Variants in GRM5 observed in about 807,000 individuals in gnomAD.
The protein encoded by GRM5 is metabotropic glutamate receptor 5.
In GRM5, 19 loss-of-function variants were observed where a neutral mutation model predicts 83.1. The observed-to-expected ratio is 0.23, with a 90% CI of 0.16 to 0.34. The LOEUF is 0.34. GRM5 is among the 10% of genes least tolerant of loss of function. GRM5 has a pLI of 1.00. For synonymous variants in GRM5, 675 were observed against 633.6 expected, an observed-to-expected ratio of 1.07 and a Z score of -0.98; for missense variants, 1,160 against 1,588.3, an observed-to-expected ratio of 0.73 and a Z score of 4.58.
At chr11:88,685,635 C>T (rs1219555201) in intron 3 of GRM5, among the ~76,000 whole-genome samples, 1 of 152,116 alleles carries the variant, frequency 6.6e-6, no homozygotes, top group Non-Finnish European at 1.5e-5. Context: ...TTTCCTGGGC[C>T]TGGCCCAGGG....
intron 1 of GRM5, among the ~76,000 whole-genome samples, chr11:89,063,870 G>A (rs1942049072): frequency 1.3e-5 from 2 of 152,174 alleles, no homozygotes; most frequent in South Asian, 4.1e-4. Context: ...TGCTCACATG[G>A]CAAGGGAGCT....
intron 3 of GRM5, among the ~76,000 whole-genome samples, chr11:88,762,912 AC>A (rs1474412026): frequency 6.6e-6 from 1 of 151,984 alleles, no homozygotes; most frequent in Non-Finnish European, 1.5e-5. Flanking sequence ...TAGCCAACTA[AC>A]ACAGGAACAG....
At chr11:88,569,327 T>C (rs1278205035) in intron 7 of GRM5, among the ~76,000 whole-genome samples, 3 of 152,206 alleles carry the variant, frequency 2.0e-5, no homozygotes, top group African/African-American at 7.2e-5. Context: ...AGGAGGCAAG[T>C]AATCTGGAGC....
chr11:88,677,225 T>C (rs1485637152), intron 3 of GRM5, among the ~76,000 whole-genome samples: 1 of 152,120 alleles, frequency 6.6e-6, no homozygotes, highest in African/African-American at 2.4e-5. Flanking sequence ...CTAGAAGCCC[T>C]GACTTTTAAT....
Position 88,509,079 on chromosome 11 carries a change from C to G in GRM5, c.3152G>C (p.Ser1051Thr), listed in dbSNP as rs1941273991. 3 of 1,551,206 alleles carry G rather than the reference C, an allele frequency of 1.9e-6. No individual in the cohort carries two copies. The highest frequency in any genetic ancestry group is 1.4e-5 in the African/African-American group (1 of 73,010). The change falls in exon 10 of 10, where the codon AGC becomes ACC. Residue 1051 changes from serine to threonine, a missense_variant. By Grantham distance (58) the Ser-to-Thr change is moderately conservative. This residue lies in a region of GRM5 where 562 missense variants were observed against 532.4 expected (regional missense o/e 1.06). Coordinates refer to ENST00000305447, the MANE Select transcript of GRM5 (RefSeq NM_001143831.3). ...SLHSEPVARS[S>T]SSQGSLMEQI... Reference sequence around the variant, plus strand: ...CTCCATGAGGGAGCCCTGCGAGGAGCTGCTGCGCGCCACAGGCTCCGAGTG... The same window carrying G: ...CTCCATGAGGGAGCCCTGCGAGGAGGTGCTGCGCGCCACAGGCTCCGAGTG...
rs145114069 is a variant in GRM5 at position 88,776,680 on chromosome 11, T to C, written c.911+73226A>G. On this transcript the variant is annotated intron_variant, in intron 3 of 9. Transcript: ENST00000305447. ...ATTTGCTTCTCTGTAGAGGATTTTA[T>C]TTCTCCTTCACTTATGAAGCTTAGT... 5.1e-3 allele frequency among the ~76,000 whole-genome samples: 781 copies of C among 152,248 alleles called. 17 individuals are homozygous for C. The East Asian group carries it at 0.071, about 14-fold the overall frequency.
chr11:88,968,182 C>G (rs1474697617), intron 2 of GRM5, among the ~76,000 whole-genome samples: 1 of 152,128 alleles, frequency 6.6e-6, no homozygotes, highest in Non-Finnish European at 1.5e-5. Flanking sequence ...AGTAGTCAAT[C>G]TGTATCTTAA....
At chr11:88,624,673 C>T (rs192048605) in intron 4 of GRM5, among the ~76,000 whole-genome samples, 113 of 152,252 alleles carry the variant, frequency 7.4e-4, no homozygotes, top group African/African-American at 2.5e-3. Flanking sequence ...CAGAGCAAGA[C>T]CCTGTCTGTA....
chr11:88,629,980 C>G lies in GRM5; in HGVS notation c.1147+23188G>C, dbSNP rs548741750. ...GTTTCCCCAACTTACTTTGCTCCAG[C>G]CACTTTGGTCTCCCATCTGTTTCCT... On this transcript the variant is annotated intron_variant, in intron 4 of 9. Transcript: ENST00000305447. Among the ~76,000 whole-genome samples the G allele has an allele frequency of 3.9e-5, 6 of 152,274 alleles. No individual in the cohort carries two copies. In the South Asian group the frequency reaches 1.2e-3, roughly 32 times the overall value.
intron 3 of GRM5, among the ~76,000 whole-genome samples, chr11:88,844,389 C>CACACAT (rs1555025982): frequency 4.8e-5 from 7 of 145,346 alleles, no homozygotes; most frequent in African/African-American, 1.8e-4. Context: ...CACACACACA[C>CACACAT]ATATATATAT....
chr11:88,979,193 G>A (rs1193282767), intron 2 of GRM5, among the ~76,000 whole-genome samples: 3 of 152,158 alleles, frequency 2.0e-5, no homozygotes, highest in Non-Finnish European at 4.4e-5. Flanking sequence ...CTCCTGTGAT[G>A]AGTAATTAGT....
At chr11:88,665,698 T>TA (rs1940025028) in intron 3 of GRM5, among the ~76,000 whole-genome samples, 4 of 152,146 alleles carry the variant, frequency 2.6e-5, no homozygotes, top group Admixed American at 2.6e-4. Context: ...TTAAGTCACA[T>TA]AATAGAAACT....
chr11:88,785,973 C>T (rs1245805386), intron 3 of GRM5, among the ~76,000 whole-genome samples: 1 of 152,040 alleles, frequency 6.6e-6, no homozygotes, highest in African/African-American at 2.4e-5. Flanking sequence ...ATAGGATGCC[C>T]ATTCACTTAG....
At chr11:88,786,193 G>A (rs992719446) in intron 3 of GRM5, among the ~76,000 whole-genome samples, 6 of 152,168 alleles carry the variant, frequency 3.9e-5, no homozygotes, top group Non-Finnish European at 7.4e-5. Flanking sequence ...TCCATAAGAC[G>A]TAGCAGCAGG....
At chr11:88,905,099 T>C (rs1288692930) in intron 2 of GRM5, among the ~76,000 whole-genome samples, 1 of 152,188 alleles carries the variant, frequency 6.6e-6, no homozygotes, top group Non-Finnish European at 1.5e-5. Flanking sequence ...CTATATAATA[T>C]ATGTGTTTAT....
chr11:88,982,935 A>G (rs1331993020), intron 2 of GRM5, among the ~76,000 whole-genome samples: 1 of 152,178 alleles, frequency 6.6e-6, no homozygotes, highest in African/African-American at 2.4e-5. Flanking sequence ...GCATGATGGC[A>G]CACGCCTGTA....
intron 2 of GRM5, among the ~76,000 whole-genome samples, chr11:88,987,049 C>T (rs537155387): frequency 4.8e-4 from 73 of 152,116 alleles, no homozygotes; most frequent in African/African-American, 1.7e-3. Context: ...CAGCTCCCAG[C>T]GTGAGCAAGG....
chr11:88,918,494 AAAGAAAGTTT>A (rs1210944399), intron 2 of GRM5, among the ~76,000 whole-genome samples: 1 of 151,980 alleles, frequency 6.6e-6, no homozygotes, highest in Non-Finnish European at 1.5e-5. Context: ...GATCTTTCCT[AAAGAAAGTTT>A]TTAATCTGAA....
At position 88,508,682 on chromosome 11, in the gene GRM5, T is replaced by C. The variant is rs1207007387; in HGVS notation, c.3549A>G (p.Pro1183=). Residue 1183 remains proline, a synonymous_variant, in exon 10 of 10, where the codon CCA becomes CCG. Transcript: ENST00000305447. The surrounding 1 kb of genome is among the most constrained non-coding windows in gnomAD (Gnocchi z 4.2). ...GGATACAGAGGGCCGACTCGGACAC[T>C]GGCGAGTTGGGGGTTGTGCTCCCCG... ...VDSGSTTPNS[P]VSESALCIPS... 5 of 1,607,738 alleles carry C rather than the reference T, an allele frequency of 3.1e-6. No individual in the cohort carries two copies. The highest frequency in any genetic ancestry group is 1.7e-4 in the Middle Eastern group (1 of 6,040).
Sources: allele counts gnomAD v4.1 joint callset (sites outside exome capture counted in the v4.1 genomes callset), GRCh38; gene constraint gnomAD v4.1.1; regional missense constraint gnomAD v4.1.1; non-coding constraint Gnocchi (gnomAD v3.1); transcripts MANE v1.5; gene names NCBI Gene and HGNC (gene_info 2026-07-23, HGNC 2026-07-21).